The following GABRB1 variants were observed in gnomAD, a reference collection of about 807,000 sequenced individuals.
GABRB1 encodes the protein gamma-aminobutyric acid receptor subunit beta-1.
In GABRB1, 17 loss-of-function variants were observed where a neutral mutation model predicts 51.6. The ratio of observed to expected loss-of-function variants is 0.33; its 90% confidence interval spans 0.23 to 0.49. The LOEUF (loss-of-function observed/expected upper bound fraction) is 0.49. Among genes scored for constraint, GABRB1 ranks in the 20% least tolerant of loss-of-function variants. GABRB1 has a pLI of 0.99. For missense variants in GABRB1, 410 were observed against 600.6 expected, an observed-to-expected ratio of 0.68 and a Z score of 3.32; for synonymous variants, 247 against 218.9, an observed-to-expected ratio of 1.13 and a Z score of -1.14.
At chr4:47,252,189 C>T (rs556923018) in intron 4 of GABRB1, among the ~76,000 whole-genome samples, 3 of 151,716 alleles carry the variant, frequency 2.0e-5, no homozygotes, top group Middle Eastern at 3.4e-3. Flanking sequence ...CTCCCAAGGC[C>T]TTTCTGCTGC....
intron 3 of GABRB1, among the ~76,000 whole-genome samples, chr4:47,068,290 T>C (rs1385956366): frequency 3.3e-5 from 5 of 152,230 alleles, no homozygotes; most frequent in Non-Finnish European, 7.3e-5. Context: ...GTAATAAAGC[T>C]ATTTCACTTT....
chr4:47,210,069 C>T (rs1377044769), intron 4 of GABRB1, among the ~76,000 whole-genome samples: 1 of 152,086 alleles, frequency 6.6e-6, no homozygotes, highest in Non-Finnish European at 1.5e-5. Flanking sequence ...CCAAAGTGCT[C>T]TCTGTTTTCC....
chr4:47,100,385 G>A (rs1199104956), intron 3 of GABRB1, among the ~76,000 whole-genome samples: 1 of 152,016 alleles, frequency 6.6e-6, no homozygotes, highest in African/African-American at 2.4e-5. Flanking sequence ...CAAGAAAGCT[G>A]GTTAAACCTC....
chr4:47,360,120 T>A (rs1407433038), intron 5 of GABRB1, among the ~76,000 whole-genome samples: 3 of 146,836 alleles, frequency 2.0e-5, no homozygotes, highest in Non-Finnish European at 4.5e-5. Context: ...AGGAAAGCTT[T>A]AAAAAAAAAA....
At chr4:47,299,420 G>T (rs1454799397) in intron 4 of GABRB1, among the ~76,000 whole-genome samples, 1 of 152,120 alleles carries the variant, frequency 6.6e-6, no homozygotes, top group Non-Finnish European at 1.5e-5. Flanking sequence ...CCATCAAAAA[G>T]TGGGCGAAGG....
intron 8 of GABRB1, among the ~76,000 whole-genome samples, chr4:47,413,254 G>A (rs1728816528): frequency 6.6e-6 from 1 of 152,124 alleles, no homozygotes; most frequent in Middle Eastern, 3.2e-3. Flanking sequence ...TCTATCTCCT[G>A]TATCAATTTT....
chr4:47,056,795 T>G (rs973799827), intron 3 of GABRB1, among the ~76,000 whole-genome samples: 2 of 152,142 alleles, frequency 1.3e-5, no homozygotes, highest in Non-Finnish European at 2.9e-5. Context: ...AAGAGATCGT[T>G]ATTGAGAAAT....
intron 5 of GABRB1, among the ~76,000 whole-genome samples, chr4:47,324,338 T>A (rs930254455): frequency 6.6e-6 from 1 of 152,080 alleles, no homozygotes; most frequent in African/African-American, 2.4e-5. Context: ...ATTGATTATC[T>A]CTAGTCCACA....
rs113284036 is a variant in GABRB1, at chr4:47,005,843, C to G, written c.-20+11917C>G. Among the ~76,000 whole-genome samples the G allele has an allele frequency of 4.9e-4, 70 of 142,318 alleles. 1 individual carries two copies. Among genetic ancestry groups the G allele is most frequent in the African/African-American group, 1.5e-3 (60 of 39,978 alleles). The allele number at this position is 142,318 out of a possible 152,430, so 93.4% of individuals were successfully genotyped here. On this transcript the variant is annotated intron_variant, in intron 1 of 3. Coordinates refer to the GABRB1 transcript ENST00000513567. ...GTGCCTTCATTTAATTTGTCCTCTACTCTGGCTTATTTGCAGCCAAACTTT... is the reference window on the plus strand; with the variant it reads ...GTGCCTTCATTTAATTTGTCCTCTAGTCTGGCTTATTTGCAGCCAAACTTT...
At chr4:47,250,848 T>C (rs980578973) in intron 4 of GABRB1, among the ~76,000 whole-genome samples, 4 of 152,228 alleles carry the variant, frequency 2.6e-5, no homozygotes, top group Admixed American at 6.5e-5. Flanking sequence ...CTCCCTTCAC[T>C]TCTTGTATCA....
intron 4 of GABRB1, among the ~76,000 whole-genome samples, chr4:47,193,331 A>G (rs568325741): frequency 5.3e-5 from 8 of 152,286 alleles, no homozygotes; most frequent in African/African-American, 1.4e-4. Context: ...CACATTGGTC[A>G]GGCTGATCTG....
chr4:47,285,148 A>T (rs1315857567), intron 4 of GABRB1, among the ~76,000 whole-genome samples: 1 of 152,232 alleles, frequency 6.6e-6, no homozygotes, highest in Non-Finnish European at 1.5e-5. Flanking sequence ...AATGACGTAG[A>T]GCACAAATTG....
intron 4 of GABRB1, among the ~76,000 whole-genome samples, chr4:47,177,585 G>A (rs867147404): frequency 6.6e-6 from 1 of 152,008 alleles, no homozygotes; most frequent in Non-Finnish European, 1.5e-5. Flanking sequence ...ATTCAAAAAT[G>A]GAACCAATGA....
Position 47,421,235 on chromosome 4 carries a change from G to A in GABRB1, c.1081-4439G>A, listed in dbSNP as rs988816392. On this transcript the variant is annotated intron_variant, in intron 8 of 8. Coordinates refer to ENST00000295454, the MANE Select transcript of GABRB1 (RefSeq NM_000812.4). ...AATACTGAGGGATTTGCACAAACTG[G>A]TAAATCTCATGCAAGTTTTAGGCAC... 2.0e-5 allele frequency among the ~76,000 whole-genome samples: 3 copies of A among 152,044 alleles called. No homozygotes were observed. The South Asian group carries it at 6.2e-4, about 32-fold the overall frequency.
intron 3 of GABRB1, among the ~76,000 whole-genome samples, chr4:47,147,734 G>A (rs1717237194): frequency 6.6e-6 from 1 of 152,050 alleles, no homozygotes; most frequent in South Asian, 2.1e-4. Context: ...AAAGGCAAAG[G>A]GGAAAGACAG....
chr4:47,339,603 C>A (rs1489641654), intron 5 of GABRB1, among the ~76,000 whole-genome samples: 1 of 148,258 alleles, frequency 6.7e-6, no homozygotes, highest in Non-Finnish European at 1.5e-5. Context: ...AGTCCCACAA[C>A]AACCTATAGG....
chr4:47,391,244 C>T (rs1279882958), intron 5 of GABRB1, among the ~76,000 whole-genome samples: 1 of 152,138 alleles, frequency 6.6e-6, no homozygotes, highest in Non-Finnish European at 1.5e-5. Flanking sequence ...GTAATTACCT[C>T]TGCCTTGAAC....
chr4:47,301,778 A>T (rs753806139), intron 4 of GABRB1, among the ~76,000 whole-genome samples: 6 of 152,212 alleles, frequency 3.9e-5, no homozygotes, highest in Non-Finnish European at 8.8e-5. Flanking sequence ...AAAAGCACTT[A>T]CAAATATATG....
intron 3 of GABRB1, among the ~76,000 whole-genome samples, chr4:47,093,844 C>T (rs977668356): frequency 2.2e-4 from 33 of 152,016 alleles, no homozygotes; most frequent in East Asian, 7.7e-4. Context: ...ATTTATTATC[C>T]GAAAATTCCC....
Sources: allele counts gnomAD v4.1 joint callset (sites outside exome capture counted in the v4.1 genomes callset), GRCh38; gene constraint gnomAD v4.1.1; transcripts MANE v1.5; gene names NCBI Gene and HGNC (gene_info 2026-07-23, HGNC 2026-07-21).